The following SOX5 variants were observed in gnomAD, a reference collection of about 807,000 sequenced individuals.
SOX5 encodes SRY-box transcription factor 5.
In SOX5, 9 loss-of-function variants were observed where a neutral mutation model predicts 92.0. The observed-to-expected ratio is 0.10, with a 90% confidence interval of 0.06 to 0.17. The LOEUF (loss-of-function observed/expected upper bound fraction) is 0.17. Among genes scored for constraint, SOX5 ranks in the 10% least tolerant of loss-of-function variants. The probability of loss-of-function intolerance (pLI) is 1.00; values close to 1 mark genes in which losing one functional copy is unlikely to be tolerated. For synonymous variants in SOX5, 344 were observed against 336.3 expected, an observed-to-expected ratio of 1.02 and a Z score of -0.25; for missense variants, 642 against 944.5, an observed-to-expected ratio of 0.68 and a Z score of 4.20.
chr12:23,666,114 C>CTT (rs1249546585), intron 6 of SOX5, among the ~76,000 whole-genome samples: 5 of 144,124 alleles, frequency 3.5e-5, no homozygotes, highest in Admixed American at 2.1e-4. Context: ...AAACTTTACT[C>CTT]TTTTTTTTTT....
At chr12:23,811,729 G>T (rs2095878607) in intron 3 of SOX5, among the ~76,000 whole-genome samples, 1 of 152,028 alleles carries the variant, frequency 6.6e-6, no homozygotes, top group Non-Finnish European at 1.5e-5. Flanking sequence ...GTTGATGAAT[G>T]GTGAGAAATA....
At chr12:24,236,055 G>A (rs1038485043) in intron 3 of SOX5, among the ~76,000 whole-genome samples, 3 of 152,046 alleles carry the variant, frequency 2.0e-5, no homozygotes, top group East Asian at 1.9e-4. Context: ...AGCCGGGCGT[G>A]GTGGCGGGCA....
chr12:23,869,768 T>A (rs1290445677), intron 2 of SOX5, among the ~76,000 whole-genome samples: 1 of 152,154 alleles, frequency 6.6e-6, no homozygotes. Flanking sequence ...TAGAATCATA[T>A]GCCAGAAATT....
intron 1 of SOX5, among the ~76,000 whole-genome samples, chr12:23,935,789 T>C (rs1193646364): frequency 6.6e-6 from 1 of 151,158 alleles, no homozygotes; most frequent in Non-Finnish European, 1.5e-5. Flanking sequence ...ATACCTGGTA[T>C]AGTAGGAATT....
At chr12:24,282,774 CAGTGCTAG>C (rs1414275279) in intron 2 of SOX5, among the ~76,000 whole-genome samples, 1 of 152,162 alleles carries the variant, frequency 6.6e-6, no homozygotes, top group Non-Finnish European at 1.5e-5. Flanking sequence ...TTAATTAGGG[CAGTGCTAG>C]ATCTGGGTCT....
intron 1 of SOX5, among the ~76,000 whole-genome samples, chr12:24,457,346 A>G (rs2137426897): frequency 6.6e-6 from 1 of 152,318 alleles, no homozygotes; most frequent in East Asian, 1.9e-4. Context: ...TTTAAAATAT[A>G]TACGTCTGTG....
At chr12:23,801,602 A>T in intron 3 of SOX5, among the ~76,000 whole-genome samples, 2 of 152,270 alleles carry the variant, frequency 1.3e-5, no homozygotes, top group South Asian at 4.1e-4. Flanking sequence ...CCCACCTTTT[A>T]TATATAAAAA....
chr12:24,278,940 C>A lies in SOX5; in HGVS notation c.-173-1628G>T, dbSNP rs368248441. The stretch of plus-strand genomic sequence containing the variant: ...GCCCAACTGTAAAGAGACTACACTA[C>A]TACCACAATTGTGTTTACTAAGTGG... On this transcript the variant is annotated intron_variant, in intron 2 of 4. Coordinates refer to the SOX5 transcript ENST00000446891. 3.3e-5 allele frequency among the ~76,000 whole-genome samples: 5 copies of A among 149,772 alleles called. No homozygotes were observed. In the East Asian group the frequency reaches 7.8e-4, roughly 23 times the overall value.
In SOX5 at chr12:24,174,513, G is replaced by A. The variant is rs951444549; in HGVS notation, c.-2+38830C>T. Among the ~76,000 whole-genome samples the A allele has an allele frequency of 1.8e-3, 6 of 3,306 alleles. No homozygotes were observed. In the East Asian group the frequency reaches 0.5, roughly 276 times the overall value. The allele number at this position is 3,306 out of a possible 152,430, so 2.2% of individuals were successfully genotyped here. A position where few individuals can be genotyped will look rare whatever the true frequency, so the allele number is the denominator to read the frequency against. On this transcript the variant is annotated intron_variant, in intron 4 of 4. Coordinates refer to the SOX5 transcript ENST00000446891. ...CATTAGTAAGAATACAGAATGAGTG[G>A]GGGGGGGAACCCACAAAACAAAAAC...
At chr12:23,894,379 C>T (rs2097157556) in intron 2 of SOX5, among the ~76,000 whole-genome samples, 1 of 152,278 alleles carries the variant, frequency 6.6e-6, no homozygotes, top group Admixed American at 6.5e-5. Context: ...AGGCATATGT[C>T]ACCATGCCCA....
intron 4 of SOX5, among the ~76,000 whole-genome samples, chr12:24,005,682 G>T (rs574424264): frequency 6.6e-6 from 1 of 152,158 alleles, no homozygotes; most frequent in East Asian, 1.9e-4. Flanking sequence ...CTAAATAACA[G>T]AAGTGCTCTA....
chr12:24,240,792 T>C (rs1273721654), intron 3 of SOX5, among the ~76,000 whole-genome samples: 1 of 152,184 alleles, frequency 6.6e-6, no homozygotes, highest in Non-Finnish European at 1.5e-5. Context: ...TCAAACAATA[T>C]CTACGGTGAA....
At chr12:24,056,315 A>T (rs1409354551) in intron 4 of SOX5, among the ~76,000 whole-genome samples, 1 of 152,224 alleles carries the variant, frequency 6.6e-6, no homozygotes, top group African/African-American at 2.4e-5. Context: ...ATGTTTTGAC[A>T]TGAAATGCTA....
chr12:24,307,060 C>A (rs1049418756), intron 2 of SOX5, among the ~76,000 whole-genome samples: 3 of 152,084 alleles, frequency 2.0e-5, no homozygotes, highest in Non-Finnish European at 4.4e-5. Flanking sequence ...TGGCAAAACC[C>A]CATCTCTACA....
chr12:23,653,033 T>TGGAGGGATGGATGGAC (rs2081849626), intron 7 of SOX5, among the ~76,000 whole-genome samples: 1 of 88,274 alleles, frequency 1.1e-5, no homozygotes. Flanking sequence ...TACAGATAGA[T>TGGAGGGATGGATGGAC]GGATGGATGG....
intron 2 of SOX5, among the ~76,000 whole-genome samples, chr12:24,332,058 GA>G (rs1261617657): frequency 6.6e-6 from 1 of 151,774 alleles, no homozygotes. Flanking sequence ...CAAAAAACAA[GA>G]AAGCATAAAA....
intron 2 of SOX5, among the ~76,000 whole-genome samples, chr12:24,351,941 T>A (rs1159407040): frequency 6.6e-6 from 1 of 152,262 alleles, no homozygotes; most frequent in Non-Finnish European, 1.5e-5. Context: ...ATAGTTACCT[T>A]AAAATTACAG....
chr12:23,648,964 T>G (rs2138973657), intron 7 of SOX5, among the ~76,000 whole-genome samples: 1 of 152,296 alleles, frequency 6.6e-6, no homozygotes, highest in Middle Eastern at 3.4e-3. Context: ...GGATTGTGTC[T>G]AATAGCGCTA....
At chr12:24,035,516 A>C (rs1332244264) in intron 4 of SOX5, among the ~76,000 whole-genome samples, 3 of 152,104 alleles carry the variant, frequency 2.0e-5, no homozygotes, top group East Asian at 3.9e-4. Flanking sequence ...ATCAAGAAAC[A>C]ACATAGAAGA....
Sources: gnomAD v4.1 joint callset for allele counts (sites outside exome capture counted in the v4.1 genomes callset) on GRCh38, gnomAD v4.1.1 for gene constraint, MANE v1.5 for transcripts, NCBI Gene and HGNC (gene_info 2026-07-23, HGNC 2026-07-21) for gene names.